Variants in KLHL30 observed in about 807,000 individuals in gnomAD.
KLHL30 encodes kelch like family member 30.
A neutral mutation model predicts 55.0 loss-of-function variants in KLHL30; 55 were observed. That is an observed-to-expected ratio of 1.00 (90% CI 0.80 to 1.25). The LOEUF is 1.25. Ranked by LOEUF, KLHL30 falls within the 50% of genes most tolerant of loss-of-function variation. The pLI is 0.00. For synonymous variants in KLHL30, 356 were observed against 372.6 expected (o/e 0.96, Z 0.51); for missense variants, 786 against 811.6 (o/e 0.97, Z 0.38).
chr2:238,144,529 C>G (rs1692613860), intron 3 of KLHL30, among the ~76,000 whole-genome samples: 1 of 152,246 alleles, frequency 6.6e-6, no homozygotes, highest in Middle Eastern at 3.4e-3. Context: ...ACAGATCAGG[C>G]CACTTAACCC....
In KLHL30 at chr2:238,140,915, G is replaced by A. The variant is rs372977781; in HGVS notation, c.161G>A (p.Ser54Asn). 1.9e-6 allele frequency: 3 copies of A among 1,610,780 alleles called. No individual in the cohort carries two copies. Among genetic ancestry groups the A allele is most frequent in the Non-Finnish European group, 1.7e-6 (2 of 1,178,470 alleles). ...LPCHRGLLAL[S>N]SPYFHAMFAG... is the part of the protein sequence containing the mutation. ...TGCCACCGCGGCCTCCTGGCGCTCA[G>A]CAGCCCCTACTTCCATGCCATGTTT... The change falls in exon 2 of 8, where the codon AGC becomes AAC. Residue 54 changes from serine (S) to asparagine (N), a missense_variant. By Grantham distance (46) the Ser-to-Asn change is conservative. Transcript: ENST00000409223.
chr2:238,144,414 G>GGAAGGAAT (rs1559275910), intron 3 of KLHL30, among the ~76,000 whole-genome samples: 20 of 120,760 alleles, frequency 1.7e-4, no homozygotes, highest in Middle Eastern at 4.2e-3. Context: ...AAGGAAGGAA[G>GGAAGGAAT]GAAGGAAGGA....
chr2:238,141,365 T>A lies in KLHL30; in HGVS notation c.611T>A (p.Val204Glu). ...CGACTCGAGGCCCTGATGCGCTGGGTGCGCCATGACCCGCAGGCCCGGGCC... is the reference window on the plus strand; with the variant it reads ...CGACTCGAGGCCCTGATGCGCTGGGAGCGCCATGACCCGCAGGCCCGGGCC... Reference protein sequence around the residue: ...QSRLEALMRWVRHDPQARAAH... With the variant: ...QSRLEALMRWERHDPQARAAH... The change falls in exon 2 of 8, where the codon GTG (valine) becomes GAG (glutamate). Residue 204 changes from valine (V) to glutamate (E), a missense_variant. By Grantham distance (121) the Val-to-Glu change is moderately radical. Coordinates refer to ENST00000409223, the MANE Select transcript of KLHL30 (RefSeq NM_198582.4). 2.5e-6 allele frequency: 4 copies of A among 1,597,904 alleles called. No individual in the cohort carries two copies. The highest frequency in any genetic ancestry group is 3.4e-6 in the Non-Finnish European group (4 of 1,176,620).
rs377528294 is a variant in KLHL30 at position 238,141,433 on chromosome 2, G to A, written c.679G>A (p.Val227Met). ...GCTCAGCCTAGTGCACCTGGACGCCGTGCCCAGGCCCTGCGTGCAGCAACT... is the reference window on the plus strand; with the variant it reads ...GCTCAGCCTAGTGCACCTGGACGCCATGCCCAGGCCCTGCGTGCAGCAACT... ...ELLSLVHLDA[V>M]PRPCVQQLLA... The change falls in exon 2 of 8, where the codon GTG becomes ATG. Residue 227 changes from valine (V) to methionine (M), a missense_variant. By Grantham distance (21) the Val-to-Met change is conservative (BLOSUM62 1). Coordinates refer to ENST00000409223, the MANE Select transcript of KLHL30 (RefSeq NM_198582.4). 2.3e-5 allele frequency: 36 copies of A among 1,556,536 alleles called. No homozygotes were observed. The highest frequency in any genetic ancestry group is 8.1e-5 in the South Asian group (7 of 85,896).
At chr2:238,150,022 T>C (rs1289141797) in intron 7 of KLHL30, among the ~76,000 whole-genome samples, 2 of 152,170 alleles carry the variant, frequency 1.3e-5, no homozygotes, top group Non-Finnish European at 2.9e-5. Context: ...GCAATCCTGC[T>C]GCCCACAGCT....
rs753735339 is a variant in KLHL30, at chr2:238,145,794, C to T, written c.1112C>T (p.Ala371Val). ...ATGCTGAAGCCCCGCACCAACCACGCCAGCGCGGCCCTCAATGGGGAGATC... is the reference window on the plus strand; with the variant it reads ...ATGCTGAAGCCCCGCACCAACCACGTCAGCGCGGCCCTCAATGGGGAGATC... ...APMLKPRTNH[A>V]SAALNGEIYV... Residue 371 changes from alanine to valine, a missense_variant, in exon 5 of 8, where the codon GCC (alanine) becomes GTC (valine). Ala to Val is a moderately conservative substitution (Grantham distance 64). Transcript: ENST00000409223. 2.5e-6 allele frequency: 4 copies of T among 1,608,040 alleles called. No individual in the cohort carries two copies. The South Asian group carries it at 4.5e-5, about 18-fold the overall frequency.
intron 6 of KLHL30, among the ~76,000 whole-genome samples, chr2:238,148,786 C>T (rs1692694179): frequency 6.6e-6 from 1 of 152,184 alleles, no homozygotes; most frequent in East Asian, 1.9e-4. Flanking sequence ...TATGCTGCAG[C>T]CTTGTGAGGG....
At chr2:238,139,434 GTA>G (rs1482609630) in intron 1 of KLHL30, among the ~76,000 whole-genome samples, 7 of 152,214 alleles carry the variant, frequency 4.6e-5, no homozygotes, top group African/African-American at 1.4e-4. Flanking sequence ...GGTACTTCGT[GTA>G]CCGGCCGGGA....
In KLHL30 at chr2:238,147,944, C is replaced by T. The variant is rs371983476; in HGVS notation, c.1261C>T (p.Arg421Trp). Residue 421 changes from arginine to tryptophan, a missense_variant, in exon 6 of 8, where the codon CGG becomes TGG. Transcript: ENST00000409223. This position sits in a 1 kb window ranked among gnomAD's most constrained non-coding sequence, Gnocchi z 5.8. Reference sequence around the variant, plus strand: ...CAGCAACTTCTCGGCTGCCGGCTGCCGGGGCCGGCTCTACCTGGTGGGCTC... The same window carrying T: ...CAGCAACTTCTCGGCTGCCGGCTGCTGGGGCCGGCTCTACCTGGTGGGCTC... The part of the protein sequence containing the change: ...YVSNFSAAGC[R>W]GRLYLVGSSA... 301 of 1,588,304 alleles carry T rather than the reference C, an allele frequency of 1.9e-4. 4 individuals are homozygous for T. In the Middle Eastern group the frequency reaches 5.0e-3, roughly 27 times the overall value.
intron 7 of KLHL30, among the ~76,000 whole-genome samples, chr2:238,149,458 TC>T (rs1302873615): frequency 6.6e-6 from 1 of 151,672 alleles, no homozygotes; most frequent in East Asian, 1.9e-4. Context: ...CAGGCTGAGA[TC>T]CCCCCAGGCT....
chr2:238,149,050 G>A lies in KLHL30; in HGVS notation c.1383G>A (p.Leu461=). The A allele has an allele frequency of 6.2e-7, 1 of 1,612,988 alleles. No homozygotes were observed. Among genetic ancestry groups the A allele is most frequent in the Non-Finnish European group, 8.5e-7 (1 of 1,179,746 alleles). ...CCTCGCCCTTCCTGCCCAAGTACCTGTCCTCGCCTCGCTGTGCTGCACTGC... is the reference window on the plus strand; with the variant it reads ...CCTCGCCCTTCCTGCCCAAGTACCTATCCTCGCCTCGCTGTGCTGCACTGC... ...VIASPFLPKY[L]SSPRCAALHG... is the part of the protein sequence containing the mutation. Residue 461 remains leucine, a synonymous_variant, in exon 7 of 8, where the codon CTG becomes CTA. Coordinates refer to ENST00000409223, the MANE Select transcript of KLHL30 (RefSeq NM_198582.4).
At position 238,151,131 on chromosome 2, in the gene KLHL30, C is replaced by G; in HGVS notation, c.*66C>G. On this transcript the variant is annotated 3_prime_UTR_variant, in exon 8 of 8. Transcript: ENST00000409223. Reference sequence around the variant, plus strand: ...CCCTCATCAGCCTGTGGAACGGCCCCTTTCATTTTCGCTTATTTGTTCACT... The same window carrying G: ...CCCTCATCAGCCTGTGGAACGGCCCGTTTCATTTTCGCTTATTTGTTCACT... 6.6e-7 allele frequency: 1 copy of G among 1,510,816 alleles called. No individual in the cohort carries two copies. Among genetic ancestry groups the G allele is most frequent in the Non-Finnish European group, 8.9e-7 (1 of 1,123,906 alleles). The allele number at this position is 1,510,816 out of a possible 1,614,324, so 93.6% of individuals were successfully genotyped here.
At position 238,152,606 on chromosome 2, in the gene KLHL30, T is replaced by G. The variant is rs988904258; in HGVS notation, c.*1541T>G. The G allele has an allele frequency of 6.6e-6, 1 of 152,028 alleles. No individual in the cohort carries two copies. Among genetic ancestry groups the G allele is most frequent in the Admixed American group, 6.6e-5 (1 of 15,246 alleles). The allele number at this position is 152,028 out of a possible 1,614,324, so 9.4% of individuals were successfully genotyped here. A position where few individuals can be genotyped will look rare whatever the true frequency, so the allele number is the denominator to read the frequency against. ...CTGGTCTTGAACTCCTGACCTCAGG[T>G]GATCCGCCCGCCTCAGCCTCCCAAA... On this transcript the variant is annotated 3_prime_UTR_variant, in exon 8 of 8. Coordinates refer to ENST00000409223, the MANE Select transcript of KLHL30 (RefSeq NM_198582.4).
Position 238,151,031 on chromosome 2 carries a change from G to C in KLHL30, c.1703G>C (p.Trp568Ser), listed in dbSNP as rs1372253397. 1 of 1,593,212 alleles carries C rather than the reference G, an allele frequency of 6.3e-7. No homozygotes were observed. Among genetic ancestry groups the C allele is most frequent in the Non-Finnish European group, 8.5e-7 (1 of 1,171,132 alleles). ...ASTVFLDVSK[W>S]TQPSGPTQEH ...ACCGTCTTCCTGGATGTCTCCAAGT[G>C]GACCCAGCCCTCCGGCCCCACCCAG... The change falls in exon 8 of 8, where the codon TGG becomes TCG. Residue 568 changes from tryptophan (W) to serine (S), a missense_variant. Coordinates refer to ENST00000409223, the MANE Select transcript of KLHL30 (RefSeq NM_198582.4).
intron 3 of KLHL30, among the ~76,000 whole-genome samples, chr2:238,144,339 C>T (rs1378528259): frequency 6.8e-6 from 1 of 147,402 alleles, no homozygotes; most frequent in African/African-American, 2.5e-5. Flanking sequence ...CCTGTATGTG[C>T]CTGGCTGCCA....
intron 4 of KLHL30, among the ~76,000 whole-genome samples, chr2:238,145,411 G>A (rs752686778): frequency 9.2e-5 from 14 of 152,200 alleles, no homozygotes; most frequent in East Asian, 1.9e-4. Flanking sequence ...CTATCTCAGA[G>A]ATTGGGGTTC....
chr2:238,141,525 TG>T lies in KLHL30; in HGVS notation c.774+1del. On this transcript the variant is annotated frameshift_variant and splice_region_variant, in exon 2 of 8. Coordinates refer to ENST00000409223, the MANE Select transcript of KLHL30 (RefSeq NM_198582.4). LOFTEE classifies it high-confidence loss of function. The part of the protein sequence containing the change: ...CRAALSQGHD[G>X]APLALQQKLE... ...GGGCAGCCCTGTCCCAGGGCCATGATGGGGTGAGTGAGCGGCTGGGAGGCCC... is the reference window on the plus strand; with the variant it reads ...GGGCAGCCCTGTCCCAGGGCCATGATGGGTGAGTGAGCGGCTGGGAGGCCC... The T allele has an allele frequency of 1.4e-6, 2 of 1,440,508 alleles. No individual in the cohort carries two copies. The highest frequency in any genetic ancestry group is 1.8e-6 in the Non-Finnish European group (2 of 1,101,770). 89.2% of individuals were successfully genotyped at this position (1,440,508 alleles called of 1,614,324 possible).
chr2:238,146,388 T>G (rs1170165633), intron 5 of KLHL30, among the ~76,000 whole-genome samples: 1 of 150,352 alleles, frequency 6.7e-6, no homozygotes, highest in Non-Finnish European at 1.5e-5. Context: ...TTAAAATTAT[T>G]TATTTATTTA....
Position 238,152,188 on chromosome 2 carries a change from C to G in KLHL30, c.*1123C>G. 2 of 985,442 alleles carry G rather than the reference C, an allele frequency of 2.0e-6. No homozygotes were observed. Among genetic ancestry groups the G allele is most frequent in the Non-Finnish European group, 2.4e-6 (2 of 829,986 alleles). The allele number at this position is 985,442 out of a possible 1,614,324, so 61.0% of individuals were successfully genotyped here. ...GCCCTGGGCAGCTCCGGTCTCCCGC[C>G]GGATCCAGGCTTCCTCTCCAGGACC... On this transcript the variant is annotated 3_prime_UTR_variant, in exon 8 of 8. Transcript: ENST00000409223.
Sources: allele counts gnomAD v4.1 joint callset (sites outside exome capture counted in the v4.1 genomes callset), GRCh38; gene constraint gnomAD v4.1.1; non-coding constraint Gnocchi (gnomAD v3.1); transcripts MANE v1.5; gene names NCBI Gene and HGNC (gene_info 2026-07-23, HGNC 2026-07-21).